ZNF148: variants seen among roughly 807,000 people sequenced by gnomAD.
ZNF148 encodes the protein Beta-Enolase Repressor Factor-1.
In ZNF148, 7 loss-of-function variants were observed where a neutral mutation model predicts 67.7. The ratio of observed to expected loss-of-function variants is 0.10; its 90% CI spans 0.06 to 0.19. The LOEUF is 0.19. Among genes scored for constraint, ZNF148 ranks in the 10% least tolerant of loss-of-function variants. ZNF148 has a pLI of 1.00. For synonymous variants in ZNF148, 333 were observed against 330.7 expected, an observed-to-expected ratio of 1.01 and a Z score of -0.08; for missense variants, 583 against 947.1, an observed-to-expected ratio of 0.62 and a Z score of 5.05.
In ZNF148 at chr3:125,369,170, G is replaced by A. The variant is rs201174137; in HGVS notation, c.-234+5932C>T. On this transcript the variant is annotated intron_variant, in intron 1 of 8. Coordinates refer to ENST00000360647, the MANE Select transcript of ZNF148 (RefSeq NM_021964.3). ...CCAGCTACTTGGTAGGCTGAGGCACGAGAATCAGTTGAACTCAGGAGGCGG... is the reference window on the plus strand; with the variant it reads ...CCAGCTACTTGGTAGGCTGAGGCACAAGAATCAGTTGAACTCAGGAGGCGG... Among the ~76,000 whole-genome samples the A allele has an allele frequency of 5.8e-4, 80 of 138,176 alleles. No individual in the cohort carries two copies. In the East Asian group the frequency reaches 0.015, roughly 25 times the overall value. The allele number at this position is 138,176 out of a possible 152,430, so 90.6% of individuals were successfully genotyped here.
intron 1 of ZNF148, among the ~76,000 whole-genome samples, chr3:125,368,819 G>A (rs1041650812): frequency 1.3e-5 from 2 of 151,872 alleles, no homozygotes; most frequent in Non-Finnish European, 2.9e-5. Flanking sequence ...GGTGGTGCAC[G>A]CCTGTAGTCC....
intron 1 of ZNF148, chr3:125,357,413 C>A (rs78527432): frequency 0.12 from 17,917 of 152,926 alleles, 1,296 homozygotes; most frequent in Admixed American, 0.16. Context: ...ACACACCCCC[C>A]AAAAAGAGGC....
At chr3:125,303,053 C>T (rs546902026) in intron 4 of ZNF148, among the ~76,000 whole-genome samples, 16 of 152,278 alleles carry the variant, frequency 1.1e-4, no homozygotes, top group Non-Finnish European at 1.9e-4. Flanking sequence ...CTGATACATG[C>T]AACAACCTGG....
At chr3:125,364,713 C>A (rs35694328) in intron 1 of ZNF148, among the ~76,000 whole-genome samples, 1 of 152,136 alleles carries the variant, frequency 6.6e-6, no homozygotes, top group South Asian at 2.1e-4. Context: ...TTCTGGAAGT[C>A]GGAAATGTCC....
rs771815567 is a variant in ZNF148 at position 125,233,235 on chromosome 3, C to T, written c.1491G>A (p.Gln497=). ...YALNVGTIAS[Q]PSVTQAAVAS... ...CCACAGCTGCTTGTGTTACAGAAGGCTGAGAAGCTATGGTACCCACATTCA... is the reference window on the plus strand; with the variant it reads ...CCACAGCTGCTTGTGTTACAGAAGGTTGAGAAGCTATGGTACCCACATTCA... Residue 497 remains glutamine, a synonymous_variant, in exon 9 of 9, where the codon CAG becomes CAA. Transcript: ENST00000360647. The surrounding 1 kb of genome is among the most constrained non-coding windows in gnomAD (Gnocchi z 5.1). The T allele has an allele frequency of 6.2e-7, 1 of 1,613,802 alleles. No individual in the cohort carries two copies. The highest frequency in any genetic ancestry group is 1.1e-5 in the South Asian group (1 of 91,072).
intron 4 of ZNF148, among the ~76,000 whole-genome samples, chr3:125,294,857 A>G (rs1939201372): frequency 6.6e-6 from 1 of 152,194 alleles, no homozygotes. Context: ...TAAGATCCTA[A>G]TGATTGTGAT....
At chr3:125,234,396 A>C (rs1333206334) in intron 7 of ZNF148, 67 bp from the exon 8 acceptor site, 1 of 1,107,288 alleles carries the variant, frequency 9.0e-7, no homozygotes, top group African/African-American at 1.6e-5. Flanking sequence ...CTTTGCCATA[A>C]GAATCTCTAA....
Position 125,250,531 on chromosome 3 carries a change from A to G in ZNF148, c.668-16202T>C, listed in dbSNP as rs934983850. Among the ~76,000 whole-genome samples the G allele has an allele frequency of 8.5e-5, 13 of 152,316 alleles. No individual in the cohort carries two copies. The East Asian group carries it at 2.5e-3, about 29-fold the overall frequency. On this transcript the variant is annotated intron_variant, in intron 7 of 8. Coordinates refer to ENST00000360647, the MANE Select transcript of ZNF148 (RefSeq NM_021964.3). The stretch of plus-strand genomic sequence containing the variant: ...AAATAATCTGTAACTTACCTGTAAG[A>G]AACTCATGATCAATATTTTCTATAG...
At chr3:125,341,048 C>T (rs965200501) in intron 1 of ZNF148, among the ~76,000 whole-genome samples, 4 of 120,710 alleles carry the variant, frequency 3.3e-5, no homozygotes, top group Admixed American at 3.1e-4. Context: ...CTAAGAAAAT[C>T]ATACCATAAA....
intron 1 of ZNF148, among the ~76,000 whole-genome samples, chr3:125,334,848 C>A (rs9882663): frequency 0.77 from 117,017 of 151,820 alleles, 45,635 homozygotes; most frequent in African/African-American, 0.85. Context: ...AGCCTCTCCC[C>A]TTGTTCACTC....
chr3:125,242,140 G>A (rs2107529391), intron 7 of ZNF148, among the ~76,000 whole-genome samples: 1 of 152,220 alleles, frequency 6.6e-6, no homozygotes, highest in South Asian at 2.1e-4. Flanking sequence ...CCTTTCCCCT[G>A]CCCTTGAATG....
chr3:125,234,035 A>ATTGT, intron 8 of ZNF148, 96 bp from the exon 9 acceptor site: 1 of 1,408,528 alleles, frequency 7.1e-7, no homozygotes, highest in Non-Finnish European at 9.5e-7. Flanking sequence ...AGATATATTA[A>ATTGT]TGCAATAACA....
chr3:125,331,764 G>A lies in ZNF148; in HGVS notation c.-233-526C>T, dbSNP rs370799581. ...TTTAATAATGCTAAAATGGTCCATC[G>A]ATATTTTTTAAACATCATGCTATAA... On this transcript the variant is annotated intron_variant, in intron 1 of 8. Transcript: ENST00000360647. Among the ~76,000 whole-genome samples, 5 of 152,202 alleles carry A rather than the reference G, an allele frequency of 3.3e-5. No homozygotes were observed. In the South Asian group the frequency reaches 6.2e-4, roughly 19 times the overall value.
At chr3:125,253,429 C>T (rs1001503119) in intron 7 of ZNF148, among the ~76,000 whole-genome samples, 1 of 151,972 alleles carries the variant, frequency 6.6e-6, no homozygotes, top group African/African-American at 2.4e-5. Context: ...TTCCTTCTTT[C>T]TTTACTTTTT....
At chr3:125,360,815 T>TAA (rs201876407) in intron 1 of ZNF148, among the ~76,000 whole-genome samples, 1 of 142,766 alleles carries the variant, frequency 7.0e-6, no homozygotes, top group Non-Finnish European at 1.5e-5. Context: ...CACATCTCTT[T>TAA]AAAAAAAAAA....
intron 1 of ZNF148, among the ~76,000 whole-genome samples, chr3:125,371,382 G>C (rs1363372023): frequency 5.2e-5 from 7 of 134,936 alleles, no homozygotes; most frequent in Admixed American, 2.2e-4. Context: ...AGGGGGGGGG[G>C]GGGGCAGGGC....
chr3:125,278,100 G>T (rs1197283575), intron 6 of ZNF148, among the ~76,000 whole-genome samples: 2 of 152,124 alleles, frequency 1.3e-5, no homozygotes, highest in Admixed American at 1.3e-4. Context: ...ACATCATGGG[G>T]TGAGAAAGAA....
intron 1 of ZNF148, among the ~76,000 whole-genome samples, chr3:125,341,630 A>C (rs1941727540): frequency 6.6e-6 from 1 of 152,038 alleles, no homozygotes; most frequent in Non-Finnish European, 1.5e-5. Context: ...TAAGCAAATA[A>C]ATAAAAACTA....
intron 7 of ZNF148, among the ~76,000 whole-genome samples, chr3:125,274,406 T>C (rs1180684031): frequency 6.6e-6 from 1 of 152,178 alleles, no homozygotes; most frequent in Admixed American, 6.5e-5. Flanking sequence ...ATATTTACAA[T>C]GTGGCAGTTT....
Sources: gnomAD v4.1 joint callset for allele counts (sites outside exome capture counted in the v4.1 genomes callset) on GRCh38, gnomAD v4.1.1 for gene constraint, Gnocchi (gnomAD v3.1) non-coding constraint, MANE v1.5 for transcripts, NCBI Gene and HGNC (gene_info 2026-07-23, HGNC 2026-07-21) for gene names.